Variants in SOHLH2 observed in about 807,000 individuals in gnomAD.
The protein encoded by SOHLH2 is spermatogenesis- and oogenesis-specific basic helix-loop-helix-containing protein 2.
SOHLH2 carries 22 observed loss-of-function variants against 50.4 expected under a neutral mutation model. The observed-to-expected ratio is 0.44, with a 90% CI of 0.31 to 0.62. SOHLH2 has a LOEUF of 0.62. Ranked by LOEUF, SOHLH2 falls within the 20% of genes least tolerant of loss-of-function variation. SOHLH2 has a pLI of 0.08. For missense variants in SOHLH2, 412 were observed against 504.4 expected, an observed-to-expected ratio of 0.82 and a Z score of 1.76; for synonymous variants, 185 against 187.3, an observed-to-expected ratio of 0.99 and a Z score of 0.10.
chr13:36,170,916 C>T (rs904088696), intron 9 of SOHLH2, 129 bp from the exon 10 acceptor site: 40 of 1,401,960 alleles, frequency 2.9e-5, no homozygotes, highest in Middle Eastern at 3.8e-4. Flanking sequence ...CTGCTACACC[C>T]GAATGCTGAT....
chr13:36,184,687 T>C (rs1438483487), intron 6 of SOHLH2, among the ~76,000 whole-genome samples: 5 of 152,114 alleles, frequency 3.3e-5, no homozygotes, highest in African/African-American at 1.2e-4. Context: ...CTCGATCTCC[T>C]GACCTCGTGA....
chr13:36,174,533 C>T lies in SOHLH2; in HGVS notation c.824G>A (p.Cys275Tyr), dbSNP rs893422440. The part of the protein sequence containing the change: ...TEALQSNMRF[C>Y]KKQQTPIELS... ...CTCAATGGGTGTTTGTTGTTTCTTA[C>T]AAAACCTCATGTTGCTCTGAAGTGC... The change falls in exon 8 of 11, where the codon TGT (cysteine) becomes TAT (tyrosine). Residue 275 changes from cysteine (C) to tyrosine (Y), a missense_variant. By Grantham distance (194) the Cys-to-Tyr change is radical. Transcript: ENST00000379881. 1 of 1,614,136 alleles carries T rather than the reference C, an allele frequency of 6.2e-7. No homozygotes were observed. The highest frequency in any genetic ancestry group is 8.5e-7 in the Non-Finnish European group (1 of 1,180,026).
chr13:36,187,257 T>A (rs974180000), intron 6 of SOHLH2, among the ~76,000 whole-genome samples: 11 of 152,074 alleles, frequency 7.2e-5, no homozygotes. Flanking sequence ...GGGGGACCAA[T>A]AAAGGATTCC....
chr13:36,177,152 GC>G (rs1468599568), intron 6 of SOHLH2, among the ~76,000 whole-genome samples: 1 of 151,868 alleles, frequency 6.6e-6, no homozygotes, highest in African/African-American at 2.4e-5. Flanking sequence ...TCCTCAAATA[GC>G]ATATAAATAA....
chr13:36,171,482 G>A (rs1012539540), intron 9 of SOHLH2, among the ~76,000 whole-genome samples: 4 of 152,236 alleles, frequency 2.6e-5, no homozygotes, highest in East Asian at 1.9e-4. Context: ...TTCCTGATGC[G>A]GGTAGTGAAA....
At chr13:36,199,194 C>A (rs928428521) in intron 2 of SOHLH2, among the ~76,000 whole-genome samples, 6 of 152,118 alleles carry the variant, frequency 3.9e-5, no homozygotes, top group Admixed American at 1.3e-4. Flanking sequence ...TGGAAACATC[C>A]TCTACAGGGG....
intron 9 of SOHLH2, among the ~76,000 whole-genome samples, chr13:36,173,396 C>T (rs1011947443): frequency 5.3e-5 from 8 of 152,162 alleles, no homozygotes; most frequent in East Asian, 1.9e-4. Flanking sequence ...TGAAATTATA[C>T]GAATACTTCC....
chr13:36,178,172 G>A (rs1414299112), intron 6 of SOHLH2, among the ~76,000 whole-genome samples: 2 of 152,060 alleles, frequency 1.3e-5, no homozygotes, highest in Non-Finnish European at 2.9e-5. Context: ...AGTGGCTACT[G>A]TATGAGATGA....
chr13:36,187,162 C>A (rs1274450374), intron 6 of SOHLH2, among the ~76,000 whole-genome samples: 1 of 152,134 alleles, frequency 6.6e-6, no homozygotes, highest in Non-Finnish European at 1.5e-5. Context: ...CCCAAAGCAT[C>A]TTTTCAGTCT....
chr13:36,209,676 A>T (rs1479314228), intron 1 of SOHLH2, among the ~76,000 whole-genome samples: 2 of 152,224 alleles, frequency 1.3e-5, no homozygotes, highest in African/African-American at 4.8e-5. Flanking sequence ...CAACATATGA[A>T]TTCGGTAGAG....
At chr13:36,170,048 C>T (rs1424061582) in intron 10 of SOHLH2, among the ~76,000 whole-genome samples, 1 of 152,174 alleles carries the variant, frequency 6.6e-6, no homozygotes, top group Non-Finnish European at 1.5e-5. Context: ...AATGGGTGCT[C>T]AGTAAATATC....
intron 2 of SOHLH2, among the ~76,000 whole-genome samples, chr13:36,195,460 G>C (rs1408304135): frequency 6.6e-6 from 1 of 152,216 alleles, no homozygotes; most frequent in Non-Finnish European, 1.5e-5. Context: ...GAGCGAGGGA[G>C]GGCTGGGCTC....
intron 2 of SOHLH2, among the ~76,000 whole-genome samples, chr13:36,197,405 A>G (rs1431986860): frequency 6.6e-6 from 1 of 152,102 alleles, no homozygotes. Context: ...AGCTGAAAAA[A>G]CAAAGATCAT....
chr13:36,208,594 C>A (rs1262662610), intron 1 of SOHLH2, among the ~76,000 whole-genome samples: 1 of 152,156 alleles, frequency 6.6e-6, no homozygotes, highest in Non-Finnish European at 1.5e-5. Flanking sequence ...CCATGACTAT[C>A]TGGAATTTTA....
chr13:36,194,083 C>T (rs1887653292), intron 2 of SOHLH2, among the ~76,000 whole-genome samples: 1 of 150,896 alleles, frequency 6.6e-6, no homozygotes, highest in Non-Finnish European at 1.5e-5. Context: ...AAAAAAAAGC[C>T]TAAACTTTAT....
intron 1 of SOHLH2, among the ~76,000 whole-genome samples, chr13:36,202,368 T>C (rs1240953651): frequency 6.6e-6 from 1 of 152,208 alleles, no homozygotes; most frequent in East Asian, 1.9e-4. Context: ...TTTCTGCAAA[T>C]TTCTCTCTCA....
intron 6 of SOHLH2, 73 bp from the exon 7 acceptor site, chr13:36,174,942 C>T: frequency 1.3e-6 from 2 of 1,511,102 alleles, no homozygotes; most frequent in Non-Finnish European, 8.8e-7. Context: ...ACAAACAACA[C>T]TTCCTCCTGG....
At chr13:36,209,248 A>AT (rs1237616076) in intron 1 of SOHLH2, among the ~76,000 whole-genome samples, 2 of 151,554 alleles carry the variant, frequency 1.3e-5, no homozygotes, top group African/African-American at 4.9e-5. Flanking sequence ...AATTTCTAAG[A>AT]TTTTTTGGGT....
chr13:36,170,537 G>A lies in SOHLH2; in HGVS notation c.1251C>T (p.Asn417=), dbSNP rs753996304. 1 of 1,613,846 alleles carries A rather than the reference G, an allele frequency of 6.2e-7. No homozygotes were observed. Among genetic ancestry groups the A allele is most frequent in the Non-Finnish European group, 8.5e-7 (1 of 1,179,816 alleles). Residue 417 remains asparagine (N), a synonymous_variant, in exon 10 of 11, where the codon AAC becomes AAT. Transcript: ENST00000379881. ...GLGQTCTTHP[N]CLQQFWAY is the part of the protein sequence containing the mutation. The stretch of plus-strand genomic sequence containing the variant: ...TGGACCCCTGGAAACTTACCAGACA[G>A]TTGGGATGTGTAGTGCACGTCTGGC...
Sources: gnomAD v4.1 joint callset for allele counts (sites outside exome capture counted in the v4.1 genomes callset) on GRCh38, gnomAD v4.1.1 for gene constraint, MANE v1.5 for transcripts, NCBI Gene and HGNC (gene_info 2026-07-23, HGNC 2026-07-21) for gene names.